PCDH15: variants seen among roughly 807,000 people sequenced by gnomAD.
PCDH15 encodes protocadherin-15.
PCDH15 carries 129 observed loss-of-function variants against 178.5 expected under a neutral mutation model. The ratio of observed to expected loss-of-function variants is 0.72; its 90% CI spans 0.63 to 0.84. PCDH15 has a LOEUF of 0.84. Ranked by LOEUF, PCDH15 falls within the 40% of genes least tolerant of loss-of-function variation. The pLI is 0.00. For missense variants in PCDH15, 2,230 were observed against 2,099.9 expected, an observed-to-expected ratio of 1.06 and a Z score of -1.21; for synonymous variants, 800 against 732.0, an observed-to-expected ratio of 1.09 and a Z score of -1.50.
intron 1 of PCDH15, among the ~76,000 whole-genome samples, chr10:54,688,384 A>C (rs2095054040): frequency 6.6e-6 from 1 of 152,124 alleles, no homozygotes; most frequent in Non-Finnish European, 1.5e-5. Flanking sequence ...GACATTAACA[A>C]ACAGCAGTTC....
At chr10:54,327,431 ATC>A (rs1401934502) in intron 7 of PCDH15, among the ~76,000 whole-genome samples, 2 of 149,252 alleles carry the variant, frequency 1.3e-5, no homozygotes. Context: ...TACATATAAC[ATC>A]TTATAATATA....
chr10:55,210,983 T>C (rs1439117996), intron 1 of PCDH15, among the ~76,000 whole-genome samples: 3 of 151,958 alleles, frequency 2.0e-5, no homozygotes, highest in Non-Finnish European at 4.4e-5. Context: ...GTAACCCCCT[T>C]GAAACGTTTT....
intron 2 of PCDH15, among the ~76,000 whole-genome samples, chr10:55,023,458 T>C (rs893449211): frequency 1.3e-5 from 2 of 152,126 alleles, no homozygotes; most frequent in Non-Finnish European, 2.9e-5. Context: ...ACATGTAAAG[T>C]CTAGATAAAT....
intron 2 of PCDH15, among the ~76,000 whole-genome samples, chr10:54,972,601 C>G (rs541010902): frequency 6.6e-6 from 1 of 151,822 alleles, no homozygotes; most frequent in East Asian, 2.0e-4. Context: ...GTAATCCCAG[C>G]ACTTTTGGGA....
At chr10:53,867,662 T>C (rs1199431350) in intron 26 of PCDH15, among the ~76,000 whole-genome samples, 2 of 152,136 alleles carry the variant, frequency 1.3e-5, no homozygotes, top group Admixed American at 1.3e-4. Flanking sequence ...GTTTACCTAA[T>C]GTTTGTCTTG....
At position 54,839,616 on chromosome 10, in the gene PCDH15, T is replaced by A. The variant is rs1374363914; in HGVS notation, c.-29+57834A>T. Among the ~76,000 whole-genome samples, 5 of 152,050 alleles carry A rather than the reference T, an allele frequency of 3.3e-5. No homozygotes were observed. In the East Asian group the frequency reaches 7.7e-4, roughly 24 times the overall value. On this transcript the variant is annotated intron_variant, in intron 3 of 5. Transcript: ENST00000458638. ...TTTTAAGAAATAATGACTGATAACATCCCAAATTTTGGGAAAGATATAGAC... is the reference window on the plus strand; with the variant it reads ...TTTTAAGAAATAATGACTGATAACAACCCAAATTTTGGGAAAGATATAGAC...
intron 2 of PCDH15, among the ~76,000 whole-genome samples, chr10:54,620,476 G>T (rs938570465): frequency 2.0e-5 from 3 of 151,974 alleles, no homozygotes; most frequent in African/African-American, 7.2e-5. Context: ...TACAGGGGTT[G>T]GTTTCTAAAA....
intron 2 of PCDH15, among the ~76,000 whole-genome samples, chr10:55,124,507 T>A (rs959221798): frequency 6.6e-6 from 1 of 152,170 alleles, no homozygotes; most frequent in African/African-American, 2.4e-5. Context: ...TTGACAGCTA[T>A]AAATGGAAAT....
intron 2 of PCDH15, among the ~76,000 whole-genome samples, chr10:55,613,297 T>C (rs564580382): frequency 2.0e-5 from 3 of 152,290 alleles, no homozygotes; most frequent in African/African-American, 7.2e-5. Context: ...TATCTTTACC[T>C]GCCGCCTTGT....
chr10:54,823,464 C>T (rs147281175), intron 3 of PCDH15, among the ~76,000 whole-genome samples: 2 of 152,050 alleles, frequency 1.3e-5, no homozygotes, highest in African/African-American at 4.8e-5. Flanking sequence ...CTGTTCTGAG[C>T]AATTCATAGT....
chr10:54,264,896 C>T (rs1364581829), intron 8 of PCDH15, among the ~76,000 whole-genome samples: 1 of 152,016 alleles, frequency 6.6e-6, no homozygotes, highest in Non-Finnish European at 1.5e-5. Context: ...ATGCATACAT[C>T]AGAAATCCAG....
intron 5 of PCDH15, among the ~76,000 whole-genome samples, chr10:54,355,770 C>T (rs1010390361): frequency 6.6e-6 from 1 of 152,018 alleles, no homozygotes; most frequent in Non-Finnish European, 1.5e-5. Flanking sequence ...AATTGGTTCT[C>T]AGCAAGCAAA....
At chr10:55,385,205 C>T (rs1022120511) in intron 2 of PCDH15, among the ~76,000 whole-genome samples, 2 of 152,104 alleles carry the variant, frequency 1.3e-5, no homozygotes, top group Non-Finnish European at 2.9e-5. Flanking sequence ...AACAAGGCAG[C>T]TTTCCGGGAT....
At chr10:54,588,945 C>T (rs144328914) in intron 2 of PCDH15, among the ~76,000 whole-genome samples, 117 of 152,200 alleles carry the variant, frequency 7.7e-4, no homozygotes, top group Non-Finnish European at 1.4e-3. Flanking sequence ...ATATTAAAAA[C>T]ATGGGTATAT....
intron 1 of PCDH15, among the ~76,000 whole-genome samples, chr10:54,722,687 C>T (rs1056587882): frequency 6.6e-6 from 1 of 151,504 alleles, no homozygotes; most frequent in Non-Finnish European, 1.5e-5. Flanking sequence ...TAAATGACTT[C>T]AGTAAAATTT....
At chr10:54,248,672 T>C (rs1165896181) in intron 8 of PCDH15, among the ~76,000 whole-genome samples, 1 of 152,074 alleles carries the variant, frequency 6.6e-6, no homozygotes, top group East Asian at 1.9e-4. Context: ...AGAAAATGTT[T>C]TGTTAGGGCA....
chr10:54,637,842 ACAAT>A (rs765793214), intron 2 of PCDH15, among the ~76,000 whole-genome samples: 28 of 152,200 alleles, frequency 1.8e-4, no homozygotes, highest in Non-Finnish European at 3.1e-4. Flanking sequence ...TCAATCTGAA[ACAAT>A]CAAGTTTCAG....
At chr10:53,940,541 G>T (rs2085966079) in intron 24 of PCDH15, among the ~76,000 whole-genome samples, 1 of 152,044 alleles carries the variant, frequency 6.6e-6, no homozygotes, top group Non-Finnish European at 1.5e-5. Context: ...CAATGATCAT[G>T]GCCAAAAGCT....
At chr10:55,496,303 C>T (rs886955957) in intron 2 of PCDH15, among the ~76,000 whole-genome samples, 15 of 151,730 alleles carry the variant, frequency 9.9e-5, no homozygotes, top group African/African-American at 3.1e-4. Flanking sequence ...AATGCGTGTG[C>T]GTGCGCGTGC....
Sources: gnomAD v4.1 joint callset for allele counts (sites outside exome capture counted in the v4.1 genomes callset) on GRCh38, gnomAD v4.1.1 for gene constraint, MANE v1.5 for transcripts, NCBI Gene and HGNC (gene_info 2026-07-23, HGNC 2026-07-21) for gene names.